Variants in ALDH1A1 observed in about 807,000 individuals in gnomAD.
ALDH1A1 encodes the protein aldehyde dehydrogenase 1A1.
In ALDH1A1, 19 loss-of-function variants were observed where a neutral mutation model predicts 62.1. The ratio of observed to expected loss-of-function variants is 0.31; its 90% CI spans 0.21 to 0.45. The LOEUF (loss-of-function observed/expected upper bound fraction) is 0.45, where lower values mean the gene tolerates loss of function less well. Ranked by LOEUF, ALDH1A1 falls within the 20% of genes least tolerant of loss-of-function variation. The pLI, the probability that ALDH1A1 is intolerant of heterozygous loss-of-function variation, is 1.00. For synonymous variants in ALDH1A1, 231 were observed against 215.9 expected, an observed-to-expected ratio of 1.07 and a Z score of -0.61; for missense variants, 521 against 607.1, an observed-to-expected ratio of 0.86 and a Z score of 1.49.
chr9:72,928,947 T>C lies in ALDH1A1; in HGVS notation c.387A>G (p.Thr129=), dbSNP rs200315162. 11 of 1,614,036 alleles carry C rather than the reference T, an allele frequency of 6.8e-6. No individual in the cohort carries two copies. In the East Asian group the frequency reaches 1.6e-4, roughly 23 times the overall value. ...YLNDLAGCIK[T]LRYCAGWADK... ...CAGCCCAACCTGCACAGTAGCGCAA[T>C]GTTTTGATGCAGCCTGCTAAATCAT... is the stretch of plus-strand genomic sequence containing the variant. The change falls in exon 4 of 13, where the codon ACA becomes ACG. Residue 129 remains threonine, a synonymous_variant. Transcript: ENST00000297785.
intron 4 of ALDH1A1, 56 bp from the exon 5 acceptor site, chr9:72,927,233 A>C: frequency 7.5e-7 from 1 of 1,329,490 alleles, no homozygotes; most frequent in East Asian, 2.3e-5. Flanking sequence ...ACATTCACAA[A>C]ATGGTGGTTG....
chr9:72,923,362 T>C (rs8187940), intron 7 of ALDH1A1, among the ~76,000 whole-genome samples: 5,420 of 152,264 alleles, frequency 0.036, 308 homozygotes, highest in African/African-American at 0.12. Context: ...TCAATAATTT[T>C]TTTTGCATGG....
intron 1 of ALDH1A1, among the ~76,000 whole-genome samples, chr9:72,946,927 T>C (rs8187883): frequency 0.011 from 1,672 of 152,086 alleles, 20 homozygotes; most frequent in Non-Finnish European, 0.017. Flanking sequence ...ATTTTTCATA[T>C]TCTCTAAGAG....
chr9:72,908,607 GAA>G (rs769917040), intron 11 of ALDH1A1, among the ~76,000 whole-genome samples: 1 of 138,166 alleles, frequency 7.2e-6, no homozygotes, highest in Admixed American at 7.1e-5. Context: ...AAGAAAGAAA[GAA>G]AGAAAGAAAG....
chr9:72,949,824 C>T (rs1830519678), intron 1 of ALDH1A1, among the ~76,000 whole-genome samples: 1 of 143,154 alleles, frequency 7.0e-6, no homozygotes, highest in Non-Finnish European at 1.5e-5. Context: ...TCTTGAATTT[C>T]CTATTTCCCT....
intron 1 of ALDH1A1, among the ~76,000 whole-genome samples, chr9:72,942,982 A>G (rs1830433975): frequency 6.6e-6 from 1 of 152,174 alleles, no homozygotes; most frequent in African/African-American, 2.4e-5. Flanking sequence ...TTCCAAACAA[A>G]AAACTAAAGA....
chr9:72,915,643 C>T (rs899829513), intron 9 of ALDH1A1, among the ~76,000 whole-genome samples: 9 of 152,038 alleles, frequency 5.9e-5, no homozygotes, highest in African/African-American at 1.2e-4. Flanking sequence ...CCTCACTTGC[C>T]GCTTATTTTA....
intron 1 of ALDH1A1, among the ~76,000 whole-genome samples, chr9:72,946,186 A>G (rs1029263084): frequency 1.3e-5 from 2 of 152,008 alleles, no homozygotes; most frequent in Non-Finnish European, 2.9e-5. Flanking sequence ...CAGTATCAAG[A>G]CCTAGTAATA....
chr9:72,906,396 A>G (rs1829879172), intron 11 of ALDH1A1, among the ~76,000 whole-genome samples: 1 of 152,136 alleles, frequency 6.6e-6, no homozygotes, highest in African/African-American at 2.4e-5. Context: ...CTGCTTATAT[A>G]TGGATCAGCT....
chr9:72,919,382 G>C (rs1830106872), intron 7 of ALDH1A1, among the ~76,000 whole-genome samples: 1 of 151,790 alleles, frequency 6.6e-6, no homozygotes. Flanking sequence ...CTCATTATTT[G>C]TCCACCCCAA....
chr9:72,929,153 C>T, intron 3 of ALDH1A1, 132 bp from the exon 4 acceptor site: 1 of 1,014,334 alleles, frequency 9.9e-7, no homozygotes, highest in South Asian at 1.8e-5. Context: ...TGTCTAACCT[C>T]CACTTTTTAA....
chr9:72,941,628 C>A (rs112551105), intron 1 of ALDH1A1, among the ~76,000 whole-genome samples: 3 of 152,196 alleles, frequency 2.0e-5, no homozygotes, highest in African/African-American at 7.2e-5. Flanking sequence ...GTAAAAAATT[C>A]TTGAATAACT....
chr9:72,917,834 A>C (rs368688609), intron 8 of ALDH1A1, among the ~76,000 whole-genome samples: 1 of 152,236 alleles, frequency 6.6e-6, no homozygotes, highest in Non-Finnish European at 1.5e-5. Context: ...CTGAAGATTC[A>C]ATTCAATGTT....
At chr9:72,902,276 G>A (rs893591083) in intron 12 of ALDH1A1, among the ~76,000 whole-genome samples, 4 of 152,012 alleles carry the variant, frequency 2.6e-5, no homozygotes, top group Non-Finnish European at 2.9e-5. Flanking sequence ...GTTTTGATAA[G>A]AGGATCAAAT....
At chr9:72,946,134 A>G (rs1405632537) in intron 1 of ALDH1A1, among the ~76,000 whole-genome samples, 1 of 152,018 alleles carries the variant, frequency 6.6e-6, no homozygotes, top group Non-Finnish European at 1.5e-5. Context: ...TCTGTATCAG[A>G]GTTAAGATGT....
rs538624727 is a variant in ALDH1A1, at chr9:72,929,006, T to C, written c.328A>G (p.Asn110Asp). The change falls in exon 4 of 13, where the codon AAT becomes GAT. Residue 110 changes from asparagine (N) to aspartate (D), a missense_variant. By Grantham distance (23) the Asn-to-Asp change is conservative. Transcript: ENST00000297785. Reference sequence around the variant, plus strand: ...GCATTGGAATAGAGTTTTCCACCATTCATTGACTCCATTGTCTGAAAAACA... The same window carrying C: ...GCATTGGAATAGAGTTTTCCACCATCCATTGACTCCATTGTCTGAAAAACA... ...RLLLATMESM[N>D]GGKLYSNAYL... 1.2e-6 allele frequency: 2 copies of C among 1,613,294 alleles called. No individual in the cohort carries two copies. The highest frequency in any genetic ancestry group is 3.3e-5 in the Admixed American group (2 of 59,910).
chr9:72,940,179 T>G lies in ALDH1A1; in HGVS notation c.140A>C (p.Glu47Ala). 6.2e-7 allele frequency: 1 copy of G among 1,613,522 alleles called. No individual in the cohort carries two copies. Among genetic ancestry groups the G allele is most frequent in the Non-Finnish European group, 8.5e-7 (1 of 1,179,554 alleles). Residue 47 changes from glutamate to alanine, a missense_variant, in exon 2 of 13, where the codon GAG becomes GCG. By Grantham distance (107) the Glu-to-Ala change is moderately radical (BLOSUM62 -1). Transcript: ENST00000297785. ...KFPVFNPATE[E>A]ELCQVEEGDK... ...TCCTTCTTCTACCTGGCAGAGCTCCTCCTCAGTTGCAGGATTAAAGACAGG... is the reference window on the plus strand; with the variant it reads ...TCCTTCTTCTACCTGGCAGAGCTCCGCCTCAGTTGCAGGATTAAAGACAGG...
intron 7 of ALDH1A1, among the ~76,000 whole-genome samples, 174 bp from the exon 8 acceptor site, chr9:72,918,996 A>T (rs893362079): frequency 1.3e-5 from 2 of 152,148 alleles, no homozygotes; most frequent in East Asian, 3.9e-4. Flanking sequence ...GCTGGAGTGC[A>T]GTGGCGCAAT....
At chr9:72,942,150 A>G (rs557548064) in intron 1 of ALDH1A1, among the ~76,000 whole-genome samples, 74 of 152,304 alleles carry the variant, frequency 4.9e-4, no homozygotes, top group Middle Eastern at 6.8e-3. Flanking sequence ...GATTTGCCCA[A>G]TGTCTCTTAG....
Sources: gnomAD v4.1 joint callset for allele counts (sites outside exome capture counted in the v4.1 genomes callset) on GRCh38, gnomAD v4.1.1 for gene constraint, MANE v1.5 for transcripts, NCBI Gene and HGNC (gene_info 2026-07-23, HGNC 2026-07-21) for gene names.